Variants in RALB observed in about 807,000 individuals in gnomAD.
The protein encoded by RALB is RAS like proto-oncogene B.
RALB carries 16 observed loss-of-function variants against 21.3 expected under a neutral mutation model. The observed-to-expected ratio is 0.75, with a 90% confidence interval of 0.51 to 1.14. The LOEUF is 1.14. Among genes scored for constraint, RALB ranks in the 50% most tolerant of loss-of-function variants. The pLI is 0.00. For synonymous variants in RALB, 93 were observed against 96.1 expected, an observed-to-expected ratio of 0.97 and a Z score of 0.19; for missense variants, 161 against 256.2, an observed-to-expected ratio of 0.63 and a Z score of 2.54.
intron 1 of RALB, among the ~76,000 whole-genome samples, chr2:120,260,046 T>C (rs1689320474): frequency 6.6e-6 from 1 of 152,050 alleles, no homozygotes; most frequent in Non-Finnish European, 1.5e-5. Context: ...CTGCTCCGAG[T>C]GCGGGGCCCA....
intron 1 of RALB, chr2:120,253,305 C>T (rs1689107823): frequency 1.2e-6 from 1 of 819,022 alleles, no homozygotes; most frequent in South Asian, 5.6e-5. Context: ...GGGCCTCCCG[C>T]TCGGGACCGT....
At chr2:120,269,315 T>C (rs4849846) in intron 1 of RALB, among the ~76,000 whole-genome samples, 105,703 of 152,086 alleles carry the variant, frequency 0.7, 37,331 homozygotes, top group Middle Eastern at 0.8. Flanking sequence ...GTGAGTGTTA[T>C]AGCTCTCAAA....
intron 1 of RALB, among the ~76,000 whole-genome samples, chr2:120,247,691 T>A (rs1299525660): frequency 1.3e-5 from 2 of 152,222 alleles, no homozygotes; most frequent in Non-Finnish European, 2.9e-5. Flanking sequence ...GAGCTTTTTT[T>A]GGTAGCTGCC....
At chr2:120,242,232 T>C (rs1214667295) in intron 1 of RALB, among the ~76,000 whole-genome samples, 1 of 152,012 alleles carries the variant, frequency 6.6e-6, no homozygotes, top group African/African-American at 2.4e-5. Flanking sequence ...GAAAGTAGAT[T>C]GGTGGTTGCC....
upstream of RALB, among the ~76,000 whole-genome samples, chr2:120,251,406 A>C (rs1238260880): frequency 6.6e-6 from 1 of 152,196 alleles, no homozygotes; most frequent in African/African-American, 2.4e-5. Context: ...AGTTCCTAGC[A>C]CTGTACTGAG....
At chr2:120,277,522 A>G (rs998824992) in intron 1 of RALB, among the ~76,000 whole-genome samples, 20 of 142,314 alleles carry the variant, frequency 1.4e-4, no homozygotes, top group Admixed American at 9.4e-4. Context: ...GTTAGAGCGT[A>G]TGTGAGTGTG....
intron 1 of RALB, chr2:120,253,273 C>CTCTGCT: frequency 1.8e-6 from 1 of 564,676 alleles, no homozygotes; most frequent in Non-Finnish European, 2.2e-6. Context: ...CCGCAGATGG[C>CTCTGCT]TCTGCTTCCA....
At chr2:120,247,769 C>T (rs546563322) in intron 1 of RALB, among the ~76,000 whole-genome samples, 13 of 152,368 alleles carry the variant, frequency 8.5e-5, no homozygotes, top group South Asian at 8.3e-4. Flanking sequence ...GTTCCCGCGA[C>T]GCATTGCCCT....
chr2:120,283,834 A>G (rs954500150), intron 2 of RALB, among the ~76,000 whole-genome samples: 1 of 152,258 alleles, frequency 6.6e-6, no homozygotes, highest in African/African-American at 2.4e-5. Flanking sequence ...GCTAATGGAT[A>G]CAAAGACTTT....
chr2:120,265,253 T>C (rs1050158531), intron 1 of RALB, among the ~76,000 whole-genome samples: 1 of 152,262 alleles, frequency 6.6e-6, no homozygotes, highest in African/African-American at 2.4e-5. Flanking sequence ...CTTTTGCTCA[T>C]GGGCTGCAAA....
chr2:120,285,235 C>T (rs763750691), intron 2 of RALB, among the ~76,000 whole-genome samples: 7 of 152,104 alleles, frequency 4.6e-5, no homozygotes, highest in African/African-American at 1.7e-4. Context: ...CCTGTGAGAA[C>T]GAACTCACTA....
chr2:120,286,779 A>G (rs895655820), intron 3 of RALB, among the ~76,000 whole-genome samples: 2 of 152,232 alleles, frequency 1.3e-5, no homozygotes, highest in Non-Finnish European at 2.9e-5. Context: ...GTGTAGACAC[A>G]TGGTGCTTCC....
chr2:120,242,938 TAAAC>T (rs968589775), intron 1 of RALB, among the ~76,000 whole-genome samples: 3 of 151,998 alleles, frequency 2.0e-5, no homozygotes, highest in African/African-American at 4.8e-5. Flanking sequence ...AATAAAAAAA[TAAAC>T]AAAATGGACG....
chr2:120,264,919 T>C (rs937904116), intron 1 of RALB, among the ~76,000 whole-genome samples: 2 of 152,062 alleles, frequency 1.3e-5, no homozygotes, highest in Non-Finnish European at 2.9e-5. Flanking sequence ...ATCCATGTTA[T>C]AGCATGTGTC....
intron 1 of RALB, among the ~76,000 whole-genome samples, chr2:120,256,612 A>G (rs1689205740): frequency 6.6e-6 from 1 of 152,166 alleles, no homozygotes; most frequent in Admixed American, 6.5e-5. Flanking sequence ...TCCTTCTGCC[A>G]TGATTGTAAG....
intron 1 of RALB, among the ~76,000 whole-genome samples, chr2:120,270,429 G>C (rs991951791): frequency 4.6e-5 from 7 of 152,172 alleles, no homozygotes. Flanking sequence ...TTGCAGTTCT[G>C]GTATCGGGCA....
chr2:120,246,826 GC>G (rs1688977983), intron 1 of RALB, among the ~76,000 whole-genome samples: 1 of 152,062 alleles, frequency 6.6e-6, no homozygotes, highest in African/African-American at 2.4e-5. Context: ...TGCAGTCCCC[GC>G]TGCGTCTGGT....
chr2:120,253,200 CTGGGGCTGAG>C lies in RALB; in HGVS notation c.-48+221_-48+230del, dbSNP rs538627478. 1,513 of 337,658 alleles carry C rather than the reference CTGGGGCTGAG, an allele frequency of 4.5e-3. 25 individuals carry two copies. The highest frequency in any genetic ancestry group is 0.031 in the African/African-American group (1,379 of 44,926). The allele number at this position is 337,658 out of a possible 1,614,324, so 20.9% of individuals were successfully genotyped here. On this transcript the variant is annotated intron_variant, in intron 1 of 4. Transcript: ENST00000272519. ...GGGGAGTCTCGGCTTCCTGGGCTGC[CTGGGGCTGAG>C]GAAGTGGGGGCGGCCTCCGCCTCTC...
intron 2 of RALB, chr2:120,281,011 A>G (rs140974635): frequency 5.9e-4 from 186 of 313,518 alleles, no homozygotes; most frequent in African/African-American, 3.8e-3. Flanking sequence ...AATAATCACA[A>G]AGTTAGCAGG....
Sources: gnomAD v4.1 joint callset for allele counts (sites outside exome capture counted in the v4.1 genomes callset) on GRCh38, gnomAD v4.1.1 for gene constraint, MANE v1.5 for transcripts, NCBI Gene and HGNC (gene_info 2026-07-23, HGNC 2026-07-21) for gene names.